Variants in CDON observed in about 807,000 individuals in gnomAD.
CDON encodes cell adhesion molecule-related/down-regulated by oncogenes.
A neutral mutation model predicts 120.9 loss-of-function variants in CDON; 73 were observed. The observed-to-expected ratio is 0.60, with a 90% CI of 0.50 to 0.73. CDON has a LOEUF of 0.73. CDON is among the 30% of genes least tolerant of loss of function. CDON has a pLI of 0.00. For synonymous variants in CDON, 566 were observed against 573.5 expected, an observed-to-expected ratio of 0.99 and a Z score of 0.19; for missense variants, 1,470 against 1,587.3, an observed-to-expected ratio of 0.93 and a Z score of 1.26.
chr11:125,959,474 T>C lies in CDON; in HGVS notation c.*1468A>G, dbSNP rs1945578690. The C allele has an allele frequency of 1.3e-5, 2 of 152,146 alleles. No homozygotes were observed. The highest frequency in any genetic ancestry group is 4.8e-5 in the African/African-American group (2 of 41,422). 9.4% of individuals were successfully genotyped at this position (152,146 alleles called of 1,614,324 possible). ...AGAGCCTTCCAAAGGCAGCTGCAAATGTCCTTGTCACGCAGAGGCAGCCGT... is the reference window on the plus strand; with the variant it reads ...AGAGCCTTCCAAAGGCAGCTGCAAACGTCCTTGTCACGCAGAGGCAGCCGT... On this transcript the variant is annotated 3_prime_UTR_variant, in exon 20 of 20. Transcript: ENST00000531738.
intron 12 of CDON, among the ~76,000 whole-genome samples, chr11:125,995,657 C>A (rs1018650110): frequency 6.6e-6 from 1 of 152,162 alleles, no homozygotes; most frequent in Non-Finnish European, 1.5e-5. Flanking sequence ...TTCTGAAAAT[C>A]GGAACCTAAA....
chr11:126,053,605 T>A lies in CDON; in HGVS notation c.-62+8974A>T, dbSNP rs543579440. ...TGTACTGTCACATACATAATCACAT[T>A]CAGACATTCAGCCACATCATCATTT... On this transcript the variant is annotated intron_variant, in intron 1 of 19. Transcript: ENST00000531738. Among the ~76,000 whole-genome samples the A allele has an allele frequency of 2.0e-5, 3 of 152,174 alleles. No homozygotes were observed. The East Asian group carries it at 5.8e-4, about 29-fold the overall frequency.
chr11:125,984,458 A>C (rs1451562399), intron 15 of CDON, among the ~76,000 whole-genome samples: 2 of 152,186 alleles, frequency 1.3e-5, no homozygotes, highest in Non-Finnish European at 2.9e-5. Context: ...GCACTTTGGG[A>C]GGCCGAGGTG....
intron 1 of CDON, among the ~76,000 whole-genome samples, chr11:126,039,544 T>G (rs1948197237): frequency 6.6e-6 from 1 of 152,174 alleles, no homozygotes; most frequent in Non-Finnish European, 1.5e-5. Flanking sequence ...CAAAGATCAG[T>G]GTCAAAAAAC....
At chr11:125,968,712 T>A (rs952914115) in intron 18 of CDON, among the ~76,000 whole-genome samples, 1 of 152,342 alleles carries the variant, frequency 6.6e-6, no homozygotes, top group Admixed American at 6.5e-5. Flanking sequence ...GGGAGTTAGA[T>A]CTGTAAAGCA....
At position 125,969,182 on chromosome 11, in the gene CDON, G is replaced by C. The variant is rs149572863; in HGVS notation, c.3357-7184C>G. On this transcript the variant is annotated intron_variant, in intron 18 of 19. Coordinates refer to ENST00000531738, the MANE Select transcript of CDON (RefSeq NM_001378964.1). ...CCCAGCTAATTTTGTATTTTTAGTA[G>C]AGACAGGGTTTCTCCATGTTGGTCA... is the stretch of plus-strand genomic sequence containing the variant. Among the ~76,000 whole-genome samples the C allele has an allele frequency of 5.2e-3, 786 of 152,274 alleles. 7 individuals carry two copies. Among genetic ancestry groups the C allele is most frequent in the African/African-American group, 0.017 (692 of 41,534 alleles).
chr11:126,002,298 A>G (rs189052243), intron 10 of CDON, among the ~76,000 whole-genome samples: 159 of 152,358 alleles, frequency 1.0e-3, no homozygotes, highest in African/African-American at 3.6e-3. Context: ...AAAAACTGAA[A>G]TGCATGATTA....
rs1381890262 is a variant in CDON, at chr11:126,001,209, TTG to T, written c.2158+508_2158+509del. Among the ~76,000 whole-genome samples, 174 of 136,940 alleles carry T rather than the reference TTG, an allele frequency of 1.3e-3. 1 individual carries two copies. Among genetic ancestry groups the T allele is most frequent in the African/African-American group, 4.4e-3 (160 of 36,218 alleles). The allele number at this position is 136,940 out of a possible 152,430, so 89.8% of individuals were successfully genotyped here. A position where few individuals can be genotyped will look rare whatever the true frequency, so the allele number is the denominator to read the frequency against. On this transcript the variant is annotated intron_variant, in intron 11 of 19. Transcript: ENST00000531738. Reference sequence around the variant, plus strand: ...CCTTCCTTTTTCTTTTTTTTTTTTTTTGAGGTCTCACTCTGTCATCCAGGCTG... The same window carrying T: ...CCTTCCTTTTTCTTTTTTTTTTTTTTAGGTCTCACTCTGTCATCCAGGCTG...
At chr11:125,988,822 CTTAA>C (rs1375270597) in intron 15 of CDON, among the ~76,000 whole-genome samples, 1 of 152,164 alleles carries the variant, frequency 6.6e-6, no homozygotes, top group African/African-American at 2.4e-5. Flanking sequence ...CTTTACTACA[CTTAA>C]TTAAACAAGT....
intron 7 of CDON, among the ~76,000 whole-genome samples, chr11:126,013,117 ACT>A (rs1257558592): frequency 6.6e-6 from 1 of 152,234 alleles, no homozygotes; most frequent in African/African-American, 2.4e-5. Flanking sequence ...AGATAATCAT[ACT>A]GTTTTTCTCC....
At chr11:126,017,429 T>C in intron 5 of CDON, 54 bp from the exon 6 acceptor site, 2 of 1,551,752 alleles carry the variant, frequency 1.3e-6, no homozygotes, top group Non-Finnish European at 8.9e-7. Context: ...TTCTAATCTC[T>C]TGCTTAGCAA....
chr11:126,024,999 G>GT (rs1947753485), intron 1 of CDON, among the ~76,000 whole-genome samples: 1 of 152,118 alleles, frequency 6.6e-6, no homozygotes, highest in Non-Finnish European at 1.5e-5. Context: ...GAGGTCAGGA[G>GT]TTTGAAACCA....
intron 1 of CDON, among the ~76,000 whole-genome samples, chr11:126,040,731 C>T (rs527364208): frequency 2.1e-4 from 28 of 133,280 alleles, no homozygotes; most frequent in African/African-American, 6.6e-4. Context: ...AGGAGAATGG[C>T]GTGAACCCGG....
At position 126,050,533 on chromosome 11, in the gene CDON, A is replaced by ACACAC. The variant is rs1555140419; in HGVS notation, c.-62+12045_-62+12046insGTGTG. ...ACACACACACACACACACACACACA[A>ACACAC]ACAAAAAAAAGTCTGTAAAATACTC... On this transcript the variant is annotated intron_variant, in intron 1 of 19. Coordinates refer to ENST00000531738, the MANE Select transcript of CDON (RefSeq NM_001378964.1). 1.3e-3 allele frequency among the ~76,000 whole-genome samples: 170 copies of ACACAC among 132,322 alleles called. 1 individual carries two copies. Among genetic ancestry groups the ACACAC allele is most frequent in the East Asian group, 0.012 (50 of 4,246 alleles). 86.8% of individuals were successfully genotyped at this position (132,322 alleles called of 152,430 possible).
At chr11:126,008,385 T>C (rs73021210) in intron 8 of CDON, among the ~76,000 whole-genome samples, 23,539 of 152,108 alleles carry the variant, frequency 0.15, 2,259 homozygotes, top group East Asian at 0.24. Flanking sequence ...TGGATCTTAA[T>C]AATTATACTA....
chr11:126,004,052 C>T lies in CDON; in HGVS notation c.1876G>A (p.Gly626Arg). Residue 626 changes from glycine (G) to arginine (R), a missense_variant, in exon 10 of 20, where the codon GGA becomes AGA. By Grantham distance (125) the Gly-to-Arg change is moderately radical. Transcript: ENST00000531738. Reference protein sequence around the residue: ...RKLDDGVGMLGSWHTVRVPGS... With the variant: ...RKLDDGVGMLRSWHTVRVPGS... ...GGGACTCGAACCGTGTGCCAGCTTC[C>T]CAGCATGCCAACCCCATCATCCAGC... 1.2e-6 allele frequency: 2 copies of T among 1,613,888 alleles called. No individual in the cohort carries two copies. Among genetic ancestry groups the T allele is most frequent in the Non-Finnish European group, 1.7e-6 (2 of 1,179,994 alleles).
chr11:125,965,924 C>T (rs1351132850), intron 18 of CDON, among the ~76,000 whole-genome samples: 5 of 152,146 alleles, frequency 3.3e-5, no homozygotes, highest in South Asian at 2.1e-4. Flanking sequence ...CACCTGACGT[C>T]GGGAGTTCGA....
rs1591535828 is a variant in CDON at position 125,958,533 on chromosome 11, A to G, written c.*2409T>C. On this transcript the variant is annotated 3_prime_UTR_variant, in exon 20 of 20. Transcript: ENST00000531738. The stretch of plus-strand genomic sequence containing the variant: ...CGCTTAGGGAGAACTCATACCGCCT[A>G]AATATAAAGGCAATTATATATATAT... 2 of 149,990 alleles carry G rather than the reference A, an allele frequency of 1.3e-5. No individual in the cohort carries two copies. Among genetic ancestry groups the G allele is most frequent in the East Asian group, 3.9e-4 (2 of 5,102 alleles). The allele number at this position is 149,990 out of a possible 1,614,324, so 9.3% of individuals were successfully genotyped here. A position where few individuals can be genotyped will look rare whatever the true frequency, so the allele number is the denominator to read the frequency against.
intron 16 of CDON, among the ~76,000 whole-genome samples, chr11:125,982,421 T>A (rs997184970): frequency 6.6e-6 from 1 of 152,196 alleles, no homozygotes; most frequent in African/African-American, 2.4e-5. Flanking sequence ...GGAGTCTGGA[T>A]AAATTCTTCG....
Sources: allele counts gnomAD v4.1 joint callset (sites outside exome capture counted in the v4.1 genomes callset), GRCh38; gene constraint gnomAD v4.1.1; transcripts MANE v1.5; gene names NCBI Gene and HGNC (gene_info 2026-07-23, HGNC 2026-07-21).